Variants in KCNB2 observed in about 807,000 individuals in gnomAD.
The protein encoded by KCNB2 is delayed rectifier potassium channel protein.
In KCNB2, 15 loss-of-function variants were observed where a neutral mutation model predicts 61.5. The ratio of observed to expected loss-of-function variants is 0.24; its 90% confidence interval spans 0.16 to 0.38. KCNB2 has a LOEUF of 0.38. Among genes scored for constraint, KCNB2 ranks in the 10% least tolerant of loss-of-function variants. The probability of loss-of-function intolerance (pLI) is 1.00; values close to 1 mark genes in which losing one functional copy is unlikely to be tolerated. For synonymous variants in KCNB2, 457 were observed against 446.0 expected, an observed-to-expected ratio of 1.02 and a Z score of -0.31; for missense variants, 828 against 1,125.2, an observed-to-expected ratio of 0.74 and a Z score of 3.78.
intron 2 of KCNB2, among the ~76,000 whole-genome samples, chr8:72,796,744 A>C (rs1809037033): frequency 6.6e-6 from 1 of 152,328 alleles, no homozygotes; most frequent in African/African-American, 2.4e-5. Context: ...TTGTCACAGA[A>C]TAAATAAGCC....
intron 2 of KCNB2, among the ~76,000 whole-genome samples, chr8:72,569,787 G>T (rs1806683206): frequency 6.6e-6 from 1 of 152,112 alleles, no homozygotes; most frequent in Admixed American, 6.5e-5. Flanking sequence ...AGTGAGTATT[G>T]TGGGTGTTAA....
At chr8:72,573,208 GA>G (rs1806741967) in intron 2 of KCNB2, among the ~76,000 whole-genome samples, 3 of 152,152 alleles carry the variant, frequency 2.0e-5, no homozygotes, top group African/African-American at 7.2e-5. Context: ...TATCAAGGAA[GA>G]AAAAATACAT....
chr8:72,747,798 CAAGAT>C (rs1563578572), intron 2 of KCNB2, among the ~76,000 whole-genome samples: 1 of 152,154 alleles, frequency 6.6e-6, no homozygotes, highest in Non-Finnish European at 1.5e-5. Context: ...AGGAAACGAA[CAAGAT>C]AATTGTCAAC....
intron 2 of KCNB2, among the ~76,000 whole-genome samples, chr8:72,592,672 T>A (rs1269445381): frequency 6.6e-6 from 1 of 152,160 alleles, no homozygotes; most frequent in Admixed American, 6.6e-5. Context: ...CTTTTTCTTG[T>A]CTTGGTGAAT....
intron 2 of KCNB2, among the ~76,000 whole-genome samples, chr8:72,744,143 A>C (rs761433830): frequency 2.0e-5 from 3 of 152,164 alleles, no homozygotes; most frequent in Non-Finnish European, 4.4e-5. Flanking sequence ...AATCTGGGAG[A>C]GGATAGATCC....
chr8:72,937,623 C>G lies in KCNB2; in HGVS notation c.2268C>G (p.Leu756=). 1 of 1,614,042 alleles carries G rather than the reference C, an allele frequency of 6.2e-7. No homozygotes were observed. Among genetic ancestry groups the G allele is most frequent in the South Asian group, 1.1e-5 (1 of 91,070 alleles). The change falls in exon 3 of 3, where the codon CTC becomes CTG. Residue 756 remains leucine, a synonymous_variant. Transcript: ENST00000523207. ...CCCCGCAGCACATCAGTACCATCCT[C>G]TTAGAAGAAACCCCCTCCCAGGGAG... ...LTTPQHISTI[L]LEETPSQGDR...
intron 2 of KCNB2, among the ~76,000 whole-genome samples, chr8:72,720,739 A>C (rs1243396520): frequency 6.6e-6 from 1 of 152,212 alleles, no homozygotes; most frequent in Non-Finnish European, 1.5e-5. Context: ...CATAATGAAC[A>C]TAGGTTGGGT....
At chr8:72,738,812 C>A (rs1035683979) in intron 2 of KCNB2, among the ~76,000 whole-genome samples, 1 of 152,086 alleles carries the variant, frequency 6.6e-6, no homozygotes, top group Admixed American at 6.6e-5. Context: ...ATACACTGAA[C>A]CAAGAGTTAA....
intron 2 of KCNB2, among the ~76,000 whole-genome samples, chr8:72,760,043 T>G (rs1419179587): frequency 6.6e-6 from 1 of 152,172 alleles, no homozygotes; most frequent in African/African-American, 2.4e-5. Context: ...TCAACCGAGA[T>G]GCATGCTTTT....
In KCNB2 at chr8:72,924,804, C is replaced by T. The variant is rs767659048; in HGVS notation, c.580-11131C>T. On this transcript the variant is annotated intron_variant, in intron 2 of 2. Transcript: ENST00000523207. ...TTGTCTGTGATGCTTAGCTTCATGA[C>T]AGGAAGAACACCTGTCATGCTTGCA... is the stretch of plus-strand genomic sequence containing the variant. 2.0e-4 allele frequency among the ~76,000 whole-genome samples: 31 copies of T among 152,076 alleles called. 1 individual carries two copies. Among genetic ancestry groups the T allele is most frequent in the Admixed American group, 2.6e-4 (4 of 15,264 alleles).
chr8:72,758,512 T>C (rs996122783), intron 2 of KCNB2, among the ~76,000 whole-genome samples: 1 of 152,224 alleles, frequency 6.6e-6, no homozygotes, highest in Non-Finnish European at 1.5e-5. Context: ...CTCACAATTA[T>C]GAAAATTAAT....
chr8:72,572,803 C>T (rs185559973), intron 2 of KCNB2, among the ~76,000 whole-genome samples: 1 of 152,214 alleles, frequency 6.6e-6, no homozygotes, highest in Non-Finnish European at 1.5e-5. Flanking sequence ...TTTTTTTATT[C>T]CTTCTCACTA....
intron 2 of KCNB2, among the ~76,000 whole-genome samples, chr8:72,757,130 G>A (rs1808303431): frequency 6.6e-6 from 1 of 152,016 alleles, no homozygotes; most frequent in African/African-American, 2.4e-5. Context: ...TTAATGGGAG[G>A]GCAGAAGAAA....
At chr8:72,804,501 T>A (rs1219956096) in intron 2 of KCNB2, among the ~76,000 whole-genome samples, 2 of 152,228 alleles carry the variant, frequency 1.3e-5, no homozygotes, top group African/African-American at 4.8e-5. Context: ...CTTGTGCTGA[T>A]GAAGATTAAT....
At chr8:72,777,469 G>T (rs1375846530) in intron 2 of KCNB2, among the ~76,000 whole-genome samples, 1 of 152,164 alleles carries the variant, frequency 6.6e-6, no homozygotes, top group East Asian at 1.9e-4. Context: ...ACCACAGGAA[G>T]TCAGGGGCCT....
chr8:72,921,025 G>A (rs935051009), intron 2 of KCNB2, among the ~76,000 whole-genome samples: 1 of 152,198 alleles, frequency 6.6e-6, no homozygotes, highest in Admixed American at 6.5e-5. Flanking sequence ...CCTTTTTGCA[G>A]AGCGCGGAAG....
intron 2 of KCNB2, among the ~76,000 whole-genome samples, chr8:72,606,266 T>C (rs1019295941): frequency 2.0e-5 from 3 of 152,096 alleles, no homozygotes; most frequent in Non-Finnish European, 4.4e-5. Flanking sequence ...GAAGCAATTA[T>C]AGAGGAATGA....
At chr8:72,667,097 A>G (rs1192749105) in intron 2 of KCNB2, among the ~76,000 whole-genome samples, 2 of 152,076 alleles carry the variant, frequency 1.3e-5, no homozygotes, top group African/African-American at 2.4e-5. Flanking sequence ...AGTTATGTAA[A>G]TTCTCTATGT....
chr8:72,895,665 T>A (rs1433747646), intron 2 of KCNB2, among the ~76,000 whole-genome samples: 2 of 151,844 alleles, frequency 1.3e-5, no homozygotes, highest in African/African-American at 4.8e-5. Context: ...GTGCAAGAGG[T>A]GAGGATGAGA....
Sources: gnomAD v4.1 joint callset for allele counts (sites outside exome capture counted in the v4.1 genomes callset) on GRCh38, gnomAD v4.1.1 for gene constraint, MANE v1.5 for transcripts, NCBI Gene and HGNC (gene_info 2026-07-23, HGNC 2026-07-21) for gene names.